ATG13: variants seen among roughly 807,000 people sequenced by gnomAD.
ATG13 encodes the protein autophagy related 13, also known as autophagy-related protein 13.
ATG13 carries 23 observed loss-of-function variants against 65.5 expected under a neutral mutation model. That is an observed-to-expected ratio of 0.35 (90% confidence interval 0.25 to 0.50). ATG13 has a LOEUF of 0.50. ATG13 is among the 20% of genes least tolerant of loss of function. ATG13 has a pLI of 0.98. For synonymous variants in ATG13, 252 were observed against 245.2 expected, an observed-to-expected ratio of 1.03 and a Z score of -0.26; for missense variants, 566 against 677.0, an observed-to-expected ratio of 0.84 and a Z score of 1.82.
chr11:46,669,540 AACGTCTTCCTCT>A lies in ATG13; in HGVS notation c.1575+11_1575+22del, dbSNP rs778270309. The A allele has an allele frequency of 1.8e-5, 29 of 1,613,664 alleles. No homozygotes were observed. The African/African-American group carries it at 2.5e-4, about 14-fold the overall frequency. On this transcript the variant is annotated intron_variant, in intron 18 of 18. Coordinates refer to ENST00000683050, the MANE Select transcript of ATG13 (RefSeq NM_001346311.2). ...TCCATGGCTGAAGACTTGGTATGGA[AACGTCTTCCTCT>A]ACCACAGTGCATCCTTATTTGATGG...
At chr11:46,641,619 G>A (rs1302193085) in intron 2 of ATG13, among the ~76,000 whole-genome samples, 1 of 152,018 alleles carries the variant, frequency 6.6e-6, no homozygotes, top group African/African-American at 2.4e-5. Flanking sequence ...GACTGAGAGG[G>A]GTGTAATGGA....
At chr11:46,658,194 A>T (rs1318300078) in intron 10 of ATG13, among the ~76,000 whole-genome samples, 3 of 152,240 alleles carry the variant, frequency 2.0e-5, no homozygotes, top group African/African-American at 7.2e-5. Context: ...CATTAGTTTC[A>T]TATCAGAATA....
At chr11:46,624,888 C>T (rs1405976605) in intron 1 of ATG13, among the ~76,000 whole-genome samples, 2 of 151,930 alleles carry the variant, frequency 1.3e-5, no homozygotes, top group African/African-American at 4.8e-5. Flanking sequence ...AAAAAATTAC[C>T]TGGGCATGGT....
chr11:46,618,006 C>G, intron 1 of ATG13, 116 bp downstream of exon 1: 1 of 397,876 alleles, frequency 2.5e-6, no homozygotes, highest in Non-Finnish European at 4.4e-6. Flanking sequence ...AGCCACGGTT[C>G]AATCCCCTGG....
chr11:46,627,663 G>A (rs1408977119), intron 1 of ATG13, among the ~76,000 whole-genome samples: 1 of 151,918 alleles, frequency 6.6e-6, no homozygotes, highest in African/African-American at 2.4e-5. Context: ...ATTTTTAATA[G>A]AGATGGGGTT....
chr11:46,650,468 C>T (rs2058665559), intron 7 of ATG13, 151 bp downstream of exon 7: 1 of 1,104,358 alleles, frequency 9.1e-7, no homozygotes, highest in Non-Finnish European at 1.3e-6. Flanking sequence ...CACTATCCAG[C>T]CTGCCTTATG....
At chr11:46,655,236 A>G (rs944897672) in intron 7 of ATG13, among the ~76,000 whole-genome samples, 2 of 152,098 alleles carry the variant, frequency 1.3e-5, no homozygotes, top group Admixed American at 6.6e-5. Context: ...CGTCTCTACT[A>G]AAAATACAAA....
At chr11:46,639,190 G>A (rs1201803615) in intron 2 of ATG13, among the ~76,000 whole-genome samples, 2 of 152,126 alleles carry the variant, frequency 1.3e-5, no homozygotes, top group East Asian at 3.9e-4. Context: ...GTTTTACTAT[G>A]TTGGCTGGGC....
At chr11:46,622,073 TTACATATATATATATA>T (rs1490346878) in intron 1 of ATG13, among the ~76,000 whole-genome samples, 20 of 82,596 alleles carry the variant, frequency 2.4e-4, no homozygotes, top group African/African-American at 8.1e-4. Flanking sequence ...ATTTATTTAT[TTACATATATATATATA>T]TATATATATA....
At chr11:46,655,895 AC>A (rs887029555) in intron 7 of ATG13, among the ~76,000 whole-genome samples, 7 of 151,868 alleles carry the variant, frequency 4.6e-5, no homozygotes, top group African/African-American at 7.3e-5. Context: ...GCACCATCAC[AC>A]CCGGCAAAAT....
intron 2 of ATG13, among the ~76,000 whole-genome samples, chr11:46,639,259 T>C (rs2055061957): frequency 6.6e-6 from 1 of 152,204 alleles, no homozygotes; most frequent in African/African-American, 2.4e-5. Flanking sequence ...GTGCTGGGAT[T>C]ATAGGCGTGA....
At chr11:46,669,255 A>G (rs1047178469) in intron 17 of ATG13, 149 bp from the exon 18 acceptor site, 1 of 1,010,588 alleles carries the variant, frequency 9.9e-7, no homozygotes, top group African/African-American at 1.6e-5. Context: ...TTAGAAGTGA[A>G]CAGTCTGGGA....
At chr11:46,660,390 T>TG (rs1042535402) in intron 11 of ATG13, among the ~76,000 whole-genome samples, 21 of 150,160 alleles carry the variant, frequency 1.4e-4, no homozygotes, top group African/African-American at 5.1e-4. Flanking sequence ...TTGTTGGTTT[T>TG]TTTTTTTTTT....
intron 3 of ATG13, 108 bp from the exon 4 acceptor site, chr11:46,645,231 G>T: frequency 1.2e-6 from 1 of 817,220 alleles, no homozygotes. Context: ...TGATTAATTG[G>T]CATCTTTTAA....
chr11:46,654,309 A>ATATATATATATATATATATATG (rs1565550648), intron 7 of ATG13, among the ~76,000 whole-genome samples: 5 of 143,824 alleles, frequency 3.5e-5, no homozygotes, highest in African/African-American at 1.3e-4. Context: ...ATATATATAT[A>ATATATATATATATATATATATG]TGTAAAAGAG....
At chr11:46,646,858 C>CA (rs1184596967) in intron 5 of ATG13, among the ~76,000 whole-genome samples, 1 of 152,048 alleles carries the variant, frequency 6.6e-6, no homozygotes, top group Non-Finnish European at 1.5e-5. Flanking sequence ...CTCCTAGGCT[C>CA]AAACAGTCCT....
In ATG13 at chr11:46,668,864, G is replaced by A. The variant is rs2063037023; in HGVS notation, c.1400G>A (p.Gly467Glu). ...QGSLHSDGSS[G>E]GSSGNTHDDF... ...AGCCTGCACTCAGATGGCTCCAGCG[G>A]GGGCAGCAGTGGCAATACCCATGAT... The change falls in exon 17 of 19, where the codon GGG (glycine) becomes GAG (glutamate). Residue 467 changes from glycine (G) to glutamate (E), a missense_variant. Transcript: ENST00000683050. 6.2e-7 allele frequency: 1 copy of A among 1,613,866 alleles called. No individual in the cohort carries two copies. The highest frequency in any genetic ancestry group is 1.3e-5 in the African/African-American group (1 of 74,894).
At chr11:46,655,825 C>A (rs531961411) in intron 7 of ATG13, among the ~76,000 whole-genome samples, 57 of 152,254 alleles carry the variant, frequency 3.7e-4, no homozygotes, top group African/African-American at 1.3e-3. Flanking sequence ...GCAGCGTCAA[C>A]TTCCTGGGCT....
chr11:46,660,700 G>T (rs1055521057), intron 11 of ATG13, among the ~76,000 whole-genome samples: 10 of 149,892 alleles, frequency 6.7e-5, no homozygotes, highest in Non-Finnish European at 1.2e-4. Flanking sequence ...GAGCCACTGC[G>T]CCCGGCCTTT....
Sources: gnomAD v4.1 joint callset for allele counts (sites outside exome capture counted in the v4.1 genomes callset) on GRCh38, gnomAD v4.1.1 for gene constraint, MANE v1.5 for transcripts, NCBI Gene and HGNC (gene_info 2026-07-23, HGNC 2026-07-21) for gene names.